Variants in RHPN2 observed in about 807,000 individuals in gnomAD.
The protein encoded by RHPN2 is rhophilin-2.
In RHPN2, 40 loss-of-function variants were observed where a neutral mutation model predicts 79.0. That is an observed-to-expected ratio of 0.51 (90% CI 0.39 to 0.66). The LOEUF (loss-of-function observed/expected upper bound fraction) is 0.66. Ranked by LOEUF, RHPN2 falls within the 30% of genes least tolerant of loss-of-function variation. The probability of loss-of-function intolerance (pLI) is 0.00; values close to 1 mark genes in which losing one functional copy is unlikely to be tolerated. For missense variants in RHPN2, 686 were observed against 883.5 expected (o/e 0.78, Z 2.83); for synonymous variants, 285 against 363.5 (o/e 0.78, Z 2.46).
At chr19:33,051,243 C>T (rs1972183928) in intron 1 of RHPN2, among the ~76,000 whole-genome samples, 1 of 152,180 alleles carries the variant, frequency 6.6e-6, no homozygotes, top group Non-Finnish European at 1.5e-5. Context: ...CTGCCCACCT[C>T]GCCCTCCCAA....
At chr19:32,982,730 C>T (rs1327341102) in intron 14 of RHPN2, among the ~76,000 whole-genome samples, 1 of 152,074 alleles carries the variant, frequency 6.6e-6, no homozygotes, top group Non-Finnish European at 1.5e-5. Flanking sequence ...TCGCTCATCT[C>T]CACCCTCTGC....
At chr19:33,060,809 G>A (rs1030209097) in intron 1 of RHPN2, among the ~76,000 whole-genome samples, 4 of 152,098 alleles carry the variant, frequency 2.6e-5, no homozygotes, top group Admixed American at 6.6e-5. Flanking sequence ...TGAGATTACA[G>A]GTGTGAGGCA....
chr19:33,020,826 A>C (rs1163526087), intron 4 of RHPN2, among the ~76,000 whole-genome samples: 9 of 152,190 alleles, frequency 5.9e-5, no homozygotes. Context: ...CAATGGAAAA[A>C]CTGCAATTAC....
At chr19:33,006,988 G>T (rs1971796668) in intron 7 of RHPN2, among the ~76,000 whole-genome samples, 1 of 152,130 alleles carries the variant, frequency 6.6e-6, no homozygotes, top group Non-Finnish European at 1.5e-5. Flanking sequence ...GTCGTAGTGA[G>T]CAGAGATTGT....
In RHPN2 at chr19:32,991,980, G is replaced by A. The variant is rs781587653; in HGVS notation, c.1498-11C>T. Reference sequence around the variant, plus strand: ...CACAGATAAGGGGCCCTTTGGAAGAGAGCATCGTTAGGTGTAGGATTTGAA... The same window carrying A: ...CACAGATAAGGGGCCCTTTGGAAGAAAGCATCGTTAGGTGTAGGATTTGAA... On this transcript the variant is annotated splice_polypyrimidine_tract_variant and intron_variant, in intron 12 of 14. Coordinates refer to ENST00000254260, the MANE Select transcript of RHPN2 (RefSeq NM_033103.5). 5 of 1,613,766 alleles carry A rather than the reference G, an allele frequency of 3.1e-6. No homozygotes were observed. Among genetic ancestry groups the A allele is most frequent in the South Asian group, 1.1e-5 (1 of 91,074 alleles).
chr19:33,023,792 AAAAAAAAG>A (rs1971944705), intron 3 of RHPN2, among the ~76,000 whole-genome samples: 3 of 151,266 alleles, frequency 2.0e-5, no homozygotes, highest in Non-Finnish European at 2.9e-5. Flanking sequence ...CTCAAAAAAA[AAAAAAAAG>A]AAAAAAAAGA....
chr19:33,004,718 C>T (rs1971776809), intron 7 of RHPN2, among the ~76,000 whole-genome samples: 1 of 151,744 alleles, frequency 6.6e-6, no homozygotes, highest in African/African-American at 2.4e-5. Flanking sequence ...TCCCAAGTAG[C>T]AGGGATTACA....
intron 1 of RHPN2, among the ~76,000 whole-genome samples, chr19:33,063,906 G>A (rs1240073623): frequency 2.7e-5 from 4 of 148,676 alleles, no homozygotes; most frequent in Non-Finnish European, 4.4e-5. Context: ...GCACAAGACC[G>A]TGGGCCTCAC....
intron 6 of RHPN2, among the ~76,000 whole-genome samples, chr19:33,010,674 C>T (rs529603697): frequency 9.5e-5 from 14 of 148,124 alleles, no homozygotes; most frequent in South Asian, 2.2e-4. Context: ...TGAACCACCA[C>T]GCCCAGCCTT....
At chr19:33,027,458 G>T (rs1025474503) in intron 2 of RHPN2, among the ~76,000 whole-genome samples, 1 of 151,782 alleles carries the variant, frequency 6.6e-6, no homozygotes, top group Non-Finnish European at 1.5e-5. Flanking sequence ...TCACACCACC[G>T]CAATCCAGCC....
chr19:33,029,620 ATCAAT>A (rs759955931), intron 2 of RHPN2, among the ~76,000 whole-genome samples: 1 of 152,168 alleles, frequency 6.6e-6, no homozygotes, highest in Non-Finnish European at 1.5e-5. Flanking sequence ...AAAGTGCCAA[ATCAAT>A]TCAATGTGGA....
chr19:33,025,927 A>T (rs1480873389), intron 3 of RHPN2, among the ~76,000 whole-genome samples: 4 of 151,762 alleles, frequency 2.6e-5, no homozygotes, highest in Admixed American at 1.3e-4. Context: ...TAACTTTTAA[A>T]CTTATCTTGG....
intron 2 of RHPN2, among the ~76,000 whole-genome samples, chr19:33,041,910 CAG>C (rs1972103517): frequency 1.3e-5 from 2 of 152,162 alleles, no homozygotes; most frequent in Non-Finnish European, 2.9e-5. Flanking sequence ...TAGCCAGGCA[CAG>C]GGGCTCACTC....
At chr19:32,996,357 C>A (rs971855132) in intron 10 of RHPN2, 137 bp from the exon 11 acceptor site, 10 of 823,342 alleles carry the variant, frequency 1.2e-5, no homozygotes, top group Middle Eastern at 6.5e-4. Flanking sequence ...TGATACCCTA[C>A]CTTGTTTTAA....
chr19:33,035,688 A>G (rs1370531789), intron 2 of RHPN2, among the ~76,000 whole-genome samples: 1 of 152,204 alleles, frequency 6.6e-6, no homozygotes, highest in Non-Finnish European at 1.5e-5. Context: ...TCAGAAAATT[A>G]GCCATTCCTA....
At chr19:33,009,644 A>G (rs1422760490) in intron 6 of RHPN2, among the ~76,000 whole-genome samples, 1 of 151,926 alleles carries the variant, frequency 6.6e-6, no homozygotes, top group Non-Finnish European at 1.5e-5. Context: ...TTGTAGAGAT[A>G]GGGTCTCACT....
rs749319257 is a variant in RHPN2 at position 33,012,738 on chromosome 19, G to A, written c.391-14C>T. The stretch of plus-strand genomic sequence containing the variant: ...CAGGATAAAATCCTTAAAGAAAAAT[G>A]AGGTCAGATGTTATAAAGTGTGGCT... On this transcript the variant is annotated splice_polypyrimidine_tract_variant and intron_variant, in intron 4 of 14. Coordinates refer to ENST00000254260, the MANE Select transcript of RHPN2 (RefSeq NM_033103.5). 4.2e-6 allele frequency: 6 copies of A among 1,444,234 alleles called. No homozygotes were observed. Among genetic ancestry groups the A allele is most frequent in the Non-Finnish European group, 4.9e-6 (5 of 1,024,990 alleles). The allele number at this position is 1,444,234 out of a possible 1,614,324, so 89.5% of individuals were successfully genotyped here.
intron 1 of RHPN2, among the ~76,000 whole-genome samples, chr19:33,050,271 A>G (rs1972176069): frequency 6.6e-6 from 1 of 152,184 alleles, no homozygotes; most frequent in African/African-American, 2.4e-5. Flanking sequence ...CTGAGCTGAG[A>G]AACAGATTTG....
Position 33,002,882 on chromosome 19 carries a change from C to T in RHPN2, c.879G>A (p.Glu293=). The T allele has an allele frequency of 1.2e-6, 2 of 1,613,952 alleles. No homozygotes were observed. Among genetic ancestry groups the T allele is most frequent in the Non-Finnish European group, 1.7e-6 (2 of 1,179,868 alleles). The change falls in exon 8 of 15, where the codon GAG becomes GAA. Residue 293 remains glutamate (E), a synonymous_variant. Transcript: ENST00000254260. Reference sequence around the variant, plus strand: ...TCCGGATCCCAGGAAGGCTGATTTTCTCAAACACGCTTTCTTGGGCTTGTG... The same window carrying T: ...TCCGGATCCCAGGAAGGCTGATTTTTTCAAACACGCTTTCTTGGGCTTGTG... ...MLAQAQESVF[E]KISLPGIRNE...
Sources: allele counts gnomAD v4.1 joint callset (sites outside exome capture counted in the v4.1 genomes callset), GRCh38; gene constraint gnomAD v4.1.1; transcripts MANE v1.5; gene names NCBI Gene and HGNC (gene_info 2026-07-23, HGNC 2026-07-21).